The following LAMP2 variants were observed in gnomAD, a reference collection of about 807,000 sequenced individuals.
LAMP2 encodes the protein lysosome-associated membrane glycoprotein 2.
LAMP2 carries 4 observed loss-of-function variants against 25.6 expected under a neutral mutation model. The ratio of observed to expected loss-of-function variants is 0.16; its 90% CI spans 0.08 to 0.36. The LOEUF (loss-of-function observed/expected upper bound fraction) is 0.36, where lower values mean the gene tolerates loss of function less well. Ranked by LOEUF, LAMP2 falls within the 10% of genes least tolerant of loss-of-function variation. The pLI, the probability that LAMP2 is intolerant of heterozygous loss-of-function variation, is 1.00. For synonymous variants in LAMP2, 108 were observed against 112.7 expected (o/e 0.96, Z 0.27); for missense variants, 272 against 301.4 (o/e 0.90, Z 0.72).
chrX:120,466,733 T>C (rs1292149239), intron 1 of LAMP2, among the ~76,000 whole-genome samples: 1 of 111,298 alleles, frequency 9.0e-6, no homozygotes, highest in African/African-American at 3.3e-5. Context: ...GAATAAAATA[T>C]AAGAACATCA....
At chrX:120,461,241 GT>G (rs1253132628) in intron 1 of LAMP2, among the ~76,000 whole-genome samples, 1 of 111,735 alleles carries the variant, frequency 8.9e-6, no homozygotes, top group Admixed American at 9.5e-5. Context: ...TATGCTATCT[GT>G]TTTTTCAGTA....
At chrX:120,456,532 CCA>C in intron 2 of LAMP2, 117 bp downstream of exon 2, 1 of 409,023 alleles carries the variant, frequency 2.4e-6, no homozygotes. Flanking sequence ...AAAAAAAATC[CCA>C]GAGTTTCAGC....
chrX:120,430,687 CT>C lies in LAMP2; in HGVS notation c.*635del. On this transcript the variant is annotated 3_prime_UTR_variant, in exon 9 of 9. Transcript: ENST00000200639. ...GTAGCCTCTTGGGTCTGTATCATCC[CT>C]AGGGAAAAATCACAGGCTTGAGGTA... is the stretch of plus-strand genomic sequence containing the variant. 1.3e-6 allele frequency: 1 copy of C among 754,308 alleles called. No homozygotes were observed. The highest frequency in any genetic ancestry group is 1.6e-6 in the Non-Finnish European group (1 of 639,360). The allele number at this position is 754,308 out of a possible 1,213,427, so 62.2% of individuals were successfully genotyped here.
At chrX:120,441,282 G>C (rs184287675) in intron 8 of LAMP2, among the ~76,000 whole-genome samples, 3 of 112,123 alleles carry the variant, frequency 2.7e-5, no homozygotes, top group South Asian at 7.4e-4. Flanking sequence ...TCTCCAGATC[G>C]TTTTGGCTGG....
intron 8 of LAMP2, among the ~76,000 whole-genome samples, chrX:120,439,679 AT>A (rs1242719089): frequency 3.6e-5 from 4 of 110,014 alleles, no homozygotes; most frequent in African/African-American, 1.3e-4. Context: ...TATGATATAT[AT>A]TTTATATGTG....
In LAMP2 at chrX:120,428,532, A is replaced by G. The variant is rs1035062584; in HGVS notation, c.*2791T>C. On this transcript the variant is annotated 3_prime_UTR_variant, in exon 9 of 9. Transcript: ENST00000200639. ...GACTTTTCCTTCTTCCAATCATATA[A>G]GAGATAAAGACAACAATTATAAGGA... is the stretch of plus-strand genomic sequence containing the variant. 3 of 1,200,707 alleles carry G rather than the reference A, an allele frequency of 2.5e-6. No individual in the cohort carries two copies. The African/African-American group carries it at 5.3e-5, about 21-fold the overall frequency.
chrX:120,432,562 GCA>G (rs2058526842), intron 8 of LAMP2, among the ~76,000 whole-genome samples: 1 of 111,416 alleles, frequency 9.0e-6, no homozygotes, highest in Non-Finnish European at 1.9e-5. Context: ...AAAGCAGAAG[GCA>G]CAGACTGGAG....
intron 6 of LAMP2, among the ~76,000 whole-genome samples, chrX:120,443,379 C>G (rs969361248): frequency 1.8e-5 from 2 of 111,658 alleles, no homozygotes; most frequent in African/African-American, 3.3e-5. Context: ...AGAAAATAAG[C>G]ATAATCTCAA....
At chrX:120,454,227 CAA>C (rs34279521) in intron 3 of LAMP2, among the ~76,000 whole-genome samples, 52 of 80,647 alleles carry the variant, frequency 6.4e-4, no homozygotes, top group Middle Eastern at 6.5e-3. Flanking sequence ...GTTATCAGAT[CAA>C]AAAAAAAAAA....
At chrX:120,438,209 G>A in intron 8 of LAMP2, 1 of 749,466 alleles carries the variant, frequency 1.3e-6, no homozygotes, top group East Asian at 1.5e-4. Context: ...TAGGTTCTAG[G>A]ACACACTGGC....
chrX:120,432,375 G>T (rs1569365624), intron 8 of LAMP2, among the ~76,000 whole-genome samples: 1 of 111,059 alleles, frequency 9.0e-6, no homozygotes, highest in Non-Finnish European at 1.9e-5. Flanking sequence ...GGTACTATAT[G>T]CTCTTAGGTA....
intron 7 of LAMP2, 65 bp downstream of exon 7, chrX:120,442,534 C>G: frequency 4.4e-6 from 4 of 901,418 alleles, no homozygotes; most frequent in Non-Finnish European, 6.5e-6. Context: ...GTAATAAGAC[C>G]ATTGTAATTT....
chrX:120,449,815 T>G (rs1020619024), intron 3 of LAMP2, among the ~76,000 whole-genome samples: 5 of 110,533 alleles, frequency 4.5e-5, no homozygotes, highest in Admixed American at 1.9e-4. Flanking sequence ...GATAGCAAAT[T>G]TGTAGGGGAT....
At chrX:120,442,884 G>A (rs1448143827) in intron 6 of LAMP2, among the ~76,000 whole-genome samples, 1 of 111,767 alleles carries the variant, frequency 8.9e-6, no homozygotes, top group East Asian at 2.8e-4. Context: ...GTGTAGTCAT[G>A]TGGATCTCAG....
chrX:120,463,979 CTAGAA>C (rs1330674503), intron 1 of LAMP2, among the ~76,000 whole-genome samples: 1 of 107,065 alleles, frequency 9.3e-6, no homozygotes, highest in Non-Finnish European at 1.9e-5. Context: ...TCTATTATAA[CTAGAA>C]TAATTTGGCA....
intron 8 of LAMP2, among the ~76,000 whole-genome samples, chrX:120,432,365 G>A (rs1328912067): frequency 9.0e-6 from 1 of 110,887 alleles, no homozygotes; most frequent in Non-Finnish European, 1.9e-5. Context: ...AGGTCACAAA[G>A]GTACTATATG....
chrX:120,439,350 C>G, intron 8 of LAMP2: 10 of 1,081,796 alleles, frequency 9.2e-6, no homozygotes, highest in Non-Finnish European at 1.3e-5. Context: ...AAGAATGTCT[C>G]GAAGTCAAAG....
In LAMP2 at chrX:120,447,911, G is replaced by A. The variant is rs1285234003; in HGVS notation, c.671C>T (p.Ser224Leu). Residue 224 changes from serine to leucine, a missense_variant, in exon 5 of 9, where the codon TCA (serine) becomes TTA (leucine). Transcript: ENST00000200639. ...PKEKPEAGTY[S>L]VNNGNDTCLL... The stretch of plus-strand genomic sequence containing the variant: ...ACAAGTATCATTGCCATTATTAACT[G>A]AATAGGTTCCAGCTTCTGGTTTTTC... 1 of 1,210,739 alleles carries A rather than the reference G, an allele frequency of 8.3e-7. No individual in the cohort carries two copies. The highest frequency in any genetic ancestry group is 3.0e-5 in the East Asian group (1 of 33,846).
At chrX:120,460,865 C>A (rs747386260) in intron 1 of LAMP2, among the ~76,000 whole-genome samples, 1 of 112,020 alleles carries the variant, frequency 8.9e-6, no homozygotes, top group Non-Finnish European at 1.9e-5. Context: ...ACAGGAGAAT[C>A]GTTTGAACCC....
Sources: gnomAD v4.1 joint callset for allele counts (sites outside exome capture counted in the v4.1 genomes callset) on GRCh38, gnomAD v4.1.1 for gene constraint, MANE v1.5 for transcripts, NCBI Gene and HGNC (gene_info 2026-07-23, HGNC 2026-07-21) for gene names.